The following FOXK2 variants were observed in gnomAD, a reference collection of about 807,000 sequenced individuals.
The protein encoded by FOXK2 is forkhead box protein K2.
FOXK2 carries 24 observed loss-of-function variants against 53.3 expected under a neutral mutation model. That is an observed-to-expected ratio of 0.45 (90% CI 0.33 to 0.63). The LOEUF (loss-of-function observed/expected upper bound fraction) is 0.63, where lower values mean the gene tolerates loss of function less well. Ranked by LOEUF, FOXK2 falls within the 30% of genes least tolerant of loss-of-function variation. The pLI, the probability that FOXK2 is intolerant of heterozygous loss-of-function variation, is 0.03. For synonymous variants in FOXK2, 505 were observed against 407.1 expected, an observed-to-expected ratio of 1.24 and a Z score of -2.89; for missense variants, 952 against 910.5, an observed-to-expected ratio of 1.05 and a Z score of -0.59.
At chr17:82,575,636 T>C (rs775923743) in intron 4 of FOXK2, among the ~76,000 whole-genome samples, 8 of 152,088 alleles carry the variant, frequency 5.3e-5, no homozygotes, top group Non-Finnish European at 1.2e-4. Context: ...GGACTGCAAA[T>C]GTTAAGACTA....
chr17:82,570,230 AAGAG>A (rs2044901966), intron 3 of FOXK2, among the ~76,000 whole-genome samples: 3 of 149,674 alleles, frequency 2.0e-5, no homozygotes, highest in African/African-American at 7.4e-5. Flanking sequence ...TCAAAAAAAA[AAGAG>A]AGACAAATTT....
intron 1 of FOXK2, among the ~76,000 whole-genome samples, chr17:82,531,845 A>G (rs1030465820): frequency 6.6e-6 from 1 of 152,066 alleles, no homozygotes; most frequent in South Asian, 2.1e-4. Context: ...TTTAGGCTAT[A>G]CTTTATTTAT....
intron 1 of FOXK2, among the ~76,000 whole-genome samples, chr17:82,530,648 T>G (rs1339387596): frequency 6.6e-6 from 1 of 151,676 alleles, no homozygotes; most frequent in East Asian, 1.9e-4. Context: ...GTAGCTGGGA[T>G]TACAGGCGCC....
Position 82,604,256 on chromosome 17 carries a change from G to T in FOXK2, c.*2757G>T, listed in dbSNP as rs1256793923. ...AAAAGGGAACTCCCGTATGACCCAC[G>T]TCACGTGGTGCACTCAGAGTGTGTG... is the stretch of plus-strand genomic sequence containing the variant. On this transcript the variant is annotated 3_prime_UTR_variant, in exon 9 of 9. Coordinates refer to ENST00000335255, the MANE Select transcript of FOXK2 (RefSeq NM_004514.4). 2.0e-5 allele frequency: 3 copies of T among 151,026 alleles called. No individual in the cohort carries two copies. Among genetic ancestry groups the T allele is most frequent in the Non-Finnish European group, 4.4e-5 (3 of 68,046 alleles). The allele number at this position is 151,026 out of a possible 1,614,324, so 9.4% of individuals were successfully genotyped here.
chr17:82,571,516 G>A (rs1456987000), intron 3 of FOXK2, among the ~76,000 whole-genome samples: 1 of 152,078 alleles, frequency 6.6e-6, no homozygotes, highest in Non-Finnish European at 1.5e-5. Context: ...CAGGAGAACC[G>A]CTTGAACTCA....
chr17:82,551,174 G>T (rs1026735850), intron 1 of FOXK2, among the ~76,000 whole-genome samples: 1 of 151,834 alleles, frequency 6.6e-6, no homozygotes, highest in African/African-American at 2.4e-5. Context: ...AAAATTAGCC[G>T]GGCGTGGTGG....
chr17:82,528,819 G>T (rs570840852), intron 1 of FOXK2, among the ~76,000 whole-genome samples: 9 of 152,334 alleles, frequency 5.9e-5, no homozygotes, highest in African/African-American at 2.2e-4. Context: ...GACAGTATTT[G>T]GTTTTTGCTG....
At chr17:82,530,510 GT>G (rs753680491) in intron 1 of FOXK2, among the ~76,000 whole-genome samples, 22,735 of 114,204 alleles carry the variant, frequency 0.2, 1,341 homozygotes, top group East Asian at 0.25. Flanking sequence ...CTACTGATGT[GT>G]TTTTTTTTTT....
chr17:82,575,340 A>G (rs1482783774), intron 4 of FOXK2, among the ~76,000 whole-genome samples: 1 of 152,310 alleles, frequency 6.6e-6, no homozygotes, highest in South Asian at 2.1e-4. Context: ...ATGCTGTAAG[A>G]ATGTTTTAGT....
intron 1 of FOXK2, among the ~76,000 whole-genome samples, chr17:82,548,240 T>C (rs759741077): frequency 6.6e-6 from 1 of 152,248 alleles, no homozygotes; most frequent in Non-Finnish European, 1.5e-5. Flanking sequence ...CCAGTTTGTA[T>C]TCTTGCTGGC....
At chr17:82,596,092 G>A in intron 8 of FOXK2, 1 of 752,430 alleles carries the variant, frequency 1.3e-6, no homozygotes, top group Non-Finnish European at 1.7e-6. Context: ...ACACATTAGA[G>A]TCGGTTGAGG....
chr17:82,542,268 T>A (rs571049869), intron 1 of FOXK2, among the ~76,000 whole-genome samples: 1 of 151,842 alleles, frequency 6.6e-6, no homozygotes, highest in African/African-American at 2.4e-5. Flanking sequence ...TTCAGGCAAT[T>A]CTCCTGCCTC....
At chr17:82,583,889 A>C in intron 5 of FOXK2, 124 bp from the exon 6 acceptor site, 1 of 989,872 alleles carries the variant, frequency 1.0e-6, no homozygotes, top group Non-Finnish European at 1.5e-6. Context: ...TAGAACTTAC[A>C]CAACAGTACT....
chr17:82,550,537 C>T (rs1000625043), intron 1 of FOXK2, among the ~76,000 whole-genome samples: 2 of 141,430 alleles, frequency 1.4e-5, no homozygotes, highest in African/African-American at 5.2e-5. Context: ...GAGTCTTGCT[C>T]TGTCCCCCAG....
rs2045394741 is a variant in FOXK2, at chr17:82,602,247, A to G, written c.*748A>G. The G allele has an allele frequency of 6.6e-6, 1 of 152,144 alleles. No homozygotes were observed. Among genetic ancestry groups the G allele is most frequent in the African/African-American group, 2.4e-5 (1 of 41,418 alleles). The allele number at this position is 152,144 out of a possible 1,614,324, so 9.4% of individuals were successfully genotyped here. On this transcript the variant is annotated 3_prime_UTR_variant, in exon 9 of 9. Coordinates refer to ENST00000335255, the MANE Select transcript of FOXK2 (RefSeq NM_004514.4). ...CGCATGGAACCTTGAGAACCCAGGG[A>G]CGAGCCAGTGCCGGGAAGGAACTGC...
intron 6 of FOXK2, among the ~76,000 whole-genome samples, chr17:82,584,549 C>T (rs1259740854): frequency 1.1e-5 from 1 of 89,878 alleles, no homozygotes; most frequent in Non-Finnish European, 2.1e-5. Flanking sequence ...AAAACATGTC[C>T]TTTTTTTTTT....
chr17:82,564,112 G>A (rs958689853), intron 2 of FOXK2, among the ~76,000 whole-genome samples: 2 of 143,098 alleles, frequency 1.4e-5, no homozygotes, highest in African/African-American at 5.2e-5. Flanking sequence ...TTGGGAGATG[G>A]AGTTTTGCAC....
chr17:82,595,113 A>G (rs2045296283), intron 8 of FOXK2, among the ~76,000 whole-genome samples: 1 of 152,240 alleles, frequency 6.6e-6, no homozygotes, highest in Non-Finnish European at 1.5e-5. Flanking sequence ...TGGATAGGCA[A>G]GTTCTAACCA....
intron 1 of FOXK2, among the ~76,000 whole-genome samples, chr17:82,545,495 C>T (rs1206064068): frequency 6.6e-6 from 1 of 151,766 alleles, no homozygotes; most frequent in Non-Finnish European, 1.5e-5. Context: ...TATAGGTAGA[C>T]ATTTAAAGTA....
Sources: gnomAD v4.1 joint callset for allele counts (sites outside exome capture counted in the v4.1 genomes callset) on GRCh38, gnomAD v4.1.1 for gene constraint, MANE v1.5 for transcripts, NCBI Gene and HGNC (gene_info 2026-07-23, HGNC 2026-07-21) for gene names.